Variants in SMAP1 observed in about 807,000 individuals in gnomAD.
SMAP1 encodes stromal membrane-associated protein 1.
A neutral mutation model predicts 58.5 loss-of-function variants in SMAP1; 24 were observed. The ratio of observed to expected loss-of-function variants is 0.41; its 90% confidence interval spans 0.30 to 0.58. SMAP1 has a LOEUF of 0.58. SMAP1 is among the 20% of genes least tolerant of loss of function. SMAP1 has a pLI of 0.29. For missense variants in SMAP1, 563 were observed against 566.3 expected (o/e 0.99, Z 0.06); for synonymous variants, 216 against 196.6 (o/e 1.10, Z -0.82).
intron 6 of SMAP1, among the ~76,000 whole-genome samples, chr6:70,822,162 G>T (rs541497814): frequency 9.9e-5 from 15 of 152,136 alleles, no homozygotes; most frequent in Non-Finnish European, 1.8e-4. Context: ...GTTTTACTAA[G>T]TTAAAGCTTA....
At chr6:70,685,764 T>C (rs76022122) in intron 1 of SMAP1, among the ~76,000 whole-genome samples, 1 of 152,254 alleles carries the variant, frequency 6.6e-6, no homozygotes, top group African/African-American at 2.4e-5. Flanking sequence ...TCAACACTTG[T>C]CTAACCAGAG....
chr6:70,668,540 G>T (rs1766131902), intron 1 of SMAP1: 29 of 1,526,714 alleles, frequency 1.9e-5, no homozygotes, highest in Non-Finnish European at 2.5e-5. Context: ...ATCTCTGTGG[G>T]TGGGGCCGCG....
At chr6:70,856,138 GATTT>G (rs1771412008) in intron 8 of SMAP1, among the ~76,000 whole-genome samples, 1 of 152,182 alleles carries the variant, frequency 6.6e-6, no homozygotes, top group African/African-American at 2.4e-5. Flanking sequence ...ATGTGAATGT[GATTT>G]AATGTTTAGT....
chr6:70,716,570 A>G (rs1161617768), intron 1 of SMAP1, among the ~76,000 whole-genome samples: 1 of 151,230 alleles, frequency 6.6e-6, no homozygotes. Context: ...ATTCTTTGTT[A>G]TTTTTGCTTT....
chr6:70,724,140 GT>G lies in SMAP1; in HGVS notation c.119-8228del, dbSNP rs202217636. Among the ~76,000 whole-genome samples the G allele has an allele frequency of 6.1e-4, 86 of 141,548 alleles. No homozygotes were observed. In the Middle Eastern group the frequency reaches 0.018, roughly 30 times the overall value. 92.9% of individuals were successfully genotyped at this position (141,548 alleles called of 152,430 possible). On this transcript the variant is annotated intron_variant, in intron 1 of 10. Coordinates refer to ENST00000370455, the MANE Select transcript of SMAP1 (RefSeq NM_001044305.3). ...GTTTGTACTTGCTGGGGTATTTAAG[GT>G]TTTTTTTTTGTTGTTGTTGTTGTTT...
intron 3 of SMAP1, among the ~76,000 whole-genome samples, chr6:70,761,969 T>A (rs1484970385): frequency 6.6e-6 from 1 of 152,060 alleles, no homozygotes; most frequent in African/African-American, 2.4e-5. Context: ...TAGGTATAGG[T>A]TCAATAGATC....
chr6:70,839,909 C>T (rs1457486243), intron 7 of SMAP1, among the ~76,000 whole-genome samples: 2 of 152,140 alleles, frequency 1.3e-5, no homozygotes, highest in South Asian at 2.1e-4. Context: ...TCTCTTTCAG[C>T]TCAAAACAAA....
chr6:70,754,912 GTGTA>G (rs1304453021), intron 2 of SMAP1, 64 bp from the exon 3 acceptor site: 3 of 849,324 alleles, frequency 3.5e-6, no homozygotes, highest in African/African-American at 3.4e-5. Flanking sequence ...ATGTATGTAT[GTGTA>G]TGTATGTGCA....
chr6:70,668,192 A>G, intron 1 of SMAP1, 51 bp downstream of exon 1: 2 of 1,496,502 alleles, frequency 1.3e-6, no homozygotes, highest in Middle Eastern at 2.1e-4. Flanking sequence ...GCGACCGGTG[A>G]CCTTCCCGCC....
At chr6:70,807,210 A>G (rs759398422) in intron 6 of SMAP1, among the ~76,000 whole-genome samples, 13 of 152,132 alleles carry the variant, frequency 8.5e-5, no homozygotes, top group Non-Finnish European at 1.5e-4. Context: ...TTTAAATTGT[A>G]TTTTGTTTAT....
chr6:70,677,151 TTTTTG>T (rs1766512679), intron 1 of SMAP1, among the ~76,000 whole-genome samples: 1 of 151,006 alleles, frequency 6.6e-6, no homozygotes, highest in Non-Finnish European at 1.5e-5. Flanking sequence ...TTTTCTTTGT[TTTTTG>T]TTTTGTCTTC....
intron 3 of SMAP1, among the ~76,000 whole-genome samples, chr6:70,767,223 G>A (rs368212363): frequency 9.9e-5 from 15 of 151,046 alleles, no homozygotes; most frequent in South Asian, 2.1e-4. Context: ...TTGACTTGGC[G>A]ATGCGGGCTC....
chr6:70,769,138 T>G (rs1431355735), intron 3 of SMAP1, among the ~76,000 whole-genome samples: 6 of 152,206 alleles, frequency 3.9e-5, no homozygotes, highest in Admixed American at 6.5e-5. Context: ...ATTTCTGATC[T>G]TTTACATTTG....
chr6:70,774,142 A>G (rs1044703076), intron 4 of SMAP1, among the ~76,000 whole-genome samples: 9 of 152,340 alleles, frequency 5.9e-5, no homozygotes, highest in African/African-American at 1.9e-4. Flanking sequence ...AGTATGTAGT[A>G]GGTTGTACCA....
At chr6:70,712,982 G>A (rs1582045274) in intron 1 of SMAP1, among the ~76,000 whole-genome samples, 1 of 151,286 alleles carries the variant, frequency 6.6e-6, no homozygotes, top group Non-Finnish European at 1.5e-5. Flanking sequence ...TAGTAGAGAT[G>A]GGGTTTCACC....
intron 1 of SMAP1, among the ~76,000 whole-genome samples, chr6:70,728,408 A>G (rs908161314): frequency 2.6e-5 from 4 of 152,240 alleles, no homozygotes; most frequent in African/African-American, 9.6e-5. Context: ...GAAAATTGAT[A>G]TTAAAGATAG....
chr6:70,813,680 GT>G (rs1229621565), intron 6 of SMAP1, among the ~76,000 whole-genome samples: 2 of 151,934 alleles, frequency 1.3e-5, no homozygotes, highest in Non-Finnish European at 2.9e-5. Context: ...TTCTAGATGT[GT>G]TAATATATGC....
intron 1 of SMAP1, among the ~76,000 whole-genome samples, chr6:70,682,472 A>G (rs1766758099): frequency 1.3e-5 from 2 of 152,084 alleles, no homozygotes; most frequent in Non-Finnish European, 2.9e-5. Context: ...TACAGGTGTG[A>G]GCCACCACGC....
At chr6:70,732,995 T>C (rs531729447) in intron 2 of SMAP1, among the ~76,000 whole-genome samples, 1 of 152,342 alleles carries the variant, frequency 6.6e-6, no homozygotes, top group African/African-American at 2.4e-5. Context: ...ATGAGTGGTT[T>C]AACTCTGCTA....
Sources: gnomAD v4.1 joint callset for allele counts (sites outside exome capture counted in the v4.1 genomes callset) on GRCh38, gnomAD v4.1.1 for gene constraint, MANE v1.5 for transcripts, NCBI Gene and HGNC (gene_info 2026-07-23, HGNC 2026-07-21) for gene names.